The following MLIP variants were observed in gnomAD, a reference collection of about 807,000 sequenced individuals.
The protein encoded by MLIP is muscular LMNA interacting protein.
MLIP carries 79 observed loss-of-function variants against 84.8 expected under a neutral mutation model. The ratio of observed to expected loss-of-function variants is 0.93; its 90% CI spans 0.78 to 1.12. The LOEUF is 1.12. Ranked by LOEUF, MLIP falls within the 50% of genes most tolerant of loss-of-function variation. The pLI, the probability that MLIP is intolerant of heterozygous loss-of-function variation, is 0.00. For missense variants in MLIP, 1,257 were observed against 1,160.6 expected (o/e 1.08, Z -1.21); for synonymous variants, 504 against 463.0 (o/e 1.09, Z -1.14).
chr6:54,180,642 A>G (rs746630179), intron 9 of MLIP, among the ~76,000 whole-genome samples: 7 of 152,184 alleles, frequency 4.6e-5, no homozygotes, highest in Non-Finnish European at 1.0e-4. Context: ...ATTCTGCAGT[A>G]TGCCAATTGC....
chr6:54,075,673 A>G (rs1237530712), intron 1 of MLIP, among the ~76,000 whole-genome samples: 2 of 152,216 alleles, frequency 1.3e-5, no homozygotes, highest in East Asian at 1.9e-4. Context: ...TAACATTTCT[A>G]TGGGTCTATA....
chr6:54,150,134 TG>T (rs1773287475), intron 5 of MLIP, among the ~76,000 whole-genome samples: 2 of 152,172 alleles, frequency 1.3e-5, no homozygotes, highest in Non-Finnish European at 2.9e-5. Flanking sequence ...AACCTTTGTA[TG>T]ATCTCTTATC....
chr6:54,183,371 T>C (rs1777076539), intron 9 of MLIP, among the ~76,000 whole-genome samples: 1 of 152,198 alleles, frequency 6.6e-6, no homozygotes, highest in Non-Finnish European at 1.5e-5. Context: ...TTTATATTTG[T>C]TCAGAAATAT....
intron 12 of MLIP, among the ~76,000 whole-genome samples, chr6:54,233,611 C>G (rs1562089053): frequency 6.6e-6 from 1 of 152,144 alleles, no homozygotes; most frequent in Non-Finnish European, 1.5e-5. Context: ...CAAGTCTTTG[C>G]TATTGTGAAT....
At chr6:54,210,576 A>G (rs1018271677) in intron 11 of MLIP, among the ~76,000 whole-genome samples, 8 of 151,856 alleles carry the variant, frequency 5.3e-5, no homozygotes, top group Non-Finnish European at 8.8e-5. Context: ...CCCTTGAGTC[A>G]CTTTGAAATA....
At chr6:54,248,977 A>T (rs1782273244) in intron 12 of MLIP, among the ~76,000 whole-genome samples, 1 of 152,254 alleles carries the variant, frequency 6.6e-6, no homozygotes, top group East Asian at 1.9e-4. Context: ...AGTTTGTAAC[A>T]GTTCATACAA....
chr6:54,025,921 T>C (rs534303164), intron 1 of MLIP, among the ~76,000 whole-genome samples: 25 of 152,340 alleles, frequency 1.6e-4, no homozygotes, highest in African/African-American at 5.8e-4. Flanking sequence ...TTGGTATATT[T>C]TAAATTTATT....
At chr6:54,254,353 C>G (rs1466430813) in intron 12 of MLIP, among the ~76,000 whole-genome samples, 1 of 151,974 alleles carries the variant, frequency 6.6e-6, no homozygotes, top group Non-Finnish European at 1.5e-5. Flanking sequence ...TTTCAAACTC[C>G]TGATCTTGTG....
At chr6:54,219,074 C>T (rs904011336) in intron 11 of MLIP, among the ~76,000 whole-genome samples, 11 of 151,314 alleles carry the variant, frequency 7.3e-5, no homozygotes, top group East Asian at 2.0e-4. Flanking sequence ...GGCATGGTGG[C>T]GGGCGCCTGT....
chr6:54,164,663 A>G (rs1350166928), intron 8 of MLIP, among the ~76,000 whole-genome samples: 1 of 151,890 alleles, frequency 6.6e-6, no homozygotes, highest in South Asian at 2.1e-4. Context: ...TTATCTTTTC[A>G]TGTGTTCTTA....
chr6:54,205,589 A>G (rs551854600), intron 11 of MLIP, among the ~76,000 whole-genome samples: 22 of 152,352 alleles, frequency 1.4e-4, no homozygotes, highest in African/African-American at 5.3e-4. Flanking sequence ...CTGTAGTTCA[A>G]AAAGGTGCAG....
chr6:54,155,381 C>A (rs181372600), intron 5 of MLIP, among the ~76,000 whole-genome samples: 33 of 152,164 alleles, frequency 2.2e-4, no homozygotes, highest in African/African-American at 7.9e-4. Flanking sequence ...GTCATATTAA[C>A]AAAGTATAGG....
intron 11 of MLIP, among the ~76,000 whole-genome samples, chr6:54,227,852 G>A (rs547641968): frequency 2.1e-4 from 32 of 152,104 alleles, no homozygotes; most frequent in African/African-American, 7.7e-4. Flanking sequence ...GTCAATATGA[G>A]AGAAAACCAA....
At chr6:54,068,056 C>T (rs1766299271) in intron 1 of MLIP, among the ~76,000 whole-genome samples, 1 of 67,180 alleles carries the variant, frequency 1.5e-5, no homozygotes, top group African/African-American at 3.3e-5. Context: ...TCCTTCCTTC[C>T]TTCCTTCCTT....
In MLIP at chr6:54,138,138, C is replaced by A; in HGVS notation, c.2069C>A (p.Ser690Ter). ...HPHCGSGTLP[S>*]RLGKSESTTP... ...CATTGCGGCAGTGGTACCTTGCCTTCAAGACTTGGGAAATCTGAAAGCACC... is the reference window on the plus strand; with the variant it reads ...CATTGCGGCAGTGGTACCTTGCCTTAAAGACTTGGGAAATCTGAAAGCACC... The change falls in exon 4 of 14, where the codon TCA becomes TAA. Residue 690 changes from serine (S) to a stop codon, truncating the protein, a stop_gained. Coordinates refer to ENST00000502396, the MANE Select transcript of MLIP (RefSeq NM_001281747.2). LOFTEE classifies it high-confidence loss of function. The A allele has an allele frequency of 6.5e-7, 1 of 1,536,126 alleles. No individual in the cohort carries two copies. The highest frequency in any genetic ancestry group is 8.7e-7 in the Non-Finnish European group (1 of 1,146,886).
intron 13 of MLIP, among the ~76,000 whole-genome samples, chr6:54,263,481 A>G (rs955148972): frequency 6.6e-6 from 1 of 152,074 alleles, no homozygotes; most frequent in Non-Finnish European, 1.5e-5. Context: ...TATGATACAC[A>G]TTTCTTGGAA....
chr6:54,148,733 T>C (rs1773122499), intron 4 of MLIP, among the ~76,000 whole-genome samples: 2 of 152,194 alleles, frequency 1.3e-5, no homozygotes, highest in African/African-American at 4.8e-5. Context: ...ATGTATAGAA[T>C]AGTACTCCCA....
intron 9 of MLIP, among the ~76,000 whole-genome samples, chr6:54,176,151 T>G (rs1776262235): frequency 6.6e-6 from 1 of 152,078 alleles, no homozygotes; most frequent in Admixed American, 6.6e-5. Flanking sequence ...TGAGGATTTT[T>G]GCATCAATAT....
intron 11 of MLIP, among the ~76,000 whole-genome samples, chr6:54,204,158 G>T (rs1378001104): frequency 6.6e-6 from 1 of 152,054 alleles, no homozygotes; most frequent in Non-Finnish European, 1.5e-5. Context: ...AGAAGGCATT[G>T]ATATGATCAA....
Sources: gnomAD v4.1 joint callset for allele counts (sites outside exome capture counted in the v4.1 genomes callset) on GRCh38, gnomAD v4.1.1 for gene constraint, MANE v1.5 for transcripts, NCBI Gene and HGNC (gene_info 2026-07-23, HGNC 2026-07-21) for gene names.